Variants in THSD4 observed in about 807,000 individuals in gnomAD.
The protein encoded by THSD4 is thrombospondin type 1 domain containing 4, also known as thrombospondin type-1 domain-containing protein 4.
Under a neutral mutation model 119.0 loss-of-function variants are expected in THSD4, and 69 were observed. The ratio of observed to expected loss-of-function variants is 0.58; its 90% CI spans 0.48 to 0.71. The LOEUF is 0.71. THSD4 is among the 30% of genes least tolerant of loss of function. The probability of loss-of-function intolerance (pLI) is 0.00; values close to 1 mark genes in which losing one functional copy is unlikely to be tolerated. For synonymous variants in THSD4, 524 were observed against 540.4 expected (o/e 0.97, Z 0.42); for missense variants, 1,393 against 1,391.1 (o/e 1.00, Z -0.02).
At chr15:71,386,978 T>C (rs1034467333) in intron 6 of THSD4, among the ~76,000 whole-genome samples, 1 of 152,232 alleles carries the variant, frequency 6.6e-6, no homozygotes, top group Non-Finnish European at 1.5e-5. Flanking sequence ...CACTGCTTGC[T>C]ACTTTAGGAG....
At chr15:71,745,621 C>T (rs1390286766) in intron 12 of THSD4, among the ~76,000 whole-genome samples, 2 of 152,090 alleles carry the variant, frequency 1.3e-5, no homozygotes, top group Admixed American at 6.5e-5. Flanking sequence ...AAAAGTGTCT[C>T]GGGAGAGGTC....
intron 6 of THSD4, among the ~76,000 whole-genome samples, chr15:71,283,708 A>G (rs1430555834): frequency 6.6e-6 from 1 of 152,254 alleles, no homozygotes; most frequent in African/African-American, 2.4e-5. Context: ...TCCAACAGCT[A>G]GTAAGCGGCT....
In THSD4 at chr15:71,363,288, T is replaced by TA. The variant is rs890910190; in HGVS notation, c.1016-48392dup. The stretch of plus-strand genomic sequence containing the variant: ...ATATGGCTGCATTGCAATAAAAATT[T>TA]AAAAAAACAAAGTAGTAAACCAGAT... On this transcript the variant is annotated intron_variant, in intron 6 of 17. Coordinates refer to ENST00000261862, the MANE Select transcript of THSD4 (RefSeq NM_024817.3). 2.4e-4 allele frequency among the ~76,000 whole-genome samples: 36 copies of TA among 152,228 alleles called. 2 individuals carry two copies. Among genetic ancestry groups the TA allele is most frequent in the African/African-American group, 8.4e-4 (35 of 41,474 alleles).
At chr15:71,656,155 A>G (rs1382847720) in intron 7 of THSD4, among the ~76,000 whole-genome samples, 1 of 152,228 alleles carries the variant, frequency 6.6e-6, no homozygotes, top group African/African-American at 2.4e-5. Flanking sequence ...ACATGTGATA[A>G]TAGTTCATGA....
intron 7 of THSD4, among the ~76,000 whole-genome samples, chr15:71,519,816 G>T (rs147846085): frequency 2.0e-5 from 3 of 152,188 alleles, no homozygotes; most frequent in Non-Finnish European, 4.4e-5. Context: ...AACAGCAAAG[G>T]GGGAGAGTGG....
chr15:71,282,960 G>A (rs2044671132), intron 6 of THSD4, among the ~76,000 whole-genome samples: 1 of 151,158 alleles, frequency 6.6e-6, no homozygotes, highest in Middle Eastern at 3.5e-3. Context: ...GAGGTGGGCA[G>A]GTTAGATTTT....
intron 3 of THSD4, among the ~76,000 whole-genome samples, chr15:71,199,501 T>G (rs1368139471): frequency 3.1e-5 from 4 of 128,702 alleles, no homozygotes; most frequent in South Asian, 2.6e-4. Context: ...GTGTGTGGTG[T>G]GTGTGTGTGT....
At chr15:71,585,764 C>T (rs191461598) in intron 7 of THSD4, among the ~76,000 whole-genome samples, 19 of 152,048 alleles carry the variant, frequency 1.2e-4, no homozygotes, top group African/African-American at 4.3e-4. Flanking sequence ...GCTTTCTTTA[C>T]ACTTGTTTAT....
At chr15:71,646,088 T>TAGATA (rs1176443080) in intron 7 of THSD4, among the ~76,000 whole-genome samples, 7 of 152,222 alleles carry the variant, frequency 4.6e-5, no homozygotes. Flanking sequence ...TTGAACTAGA[T>TAGATA]AGATACGAGC....
intron 8 of THSD4, among the ~76,000 whole-genome samples, chr15:71,697,353 TG>T (rs1267262124): frequency 6.6e-6 from 1 of 152,114 alleles, no homozygotes; most frequent in African/African-American, 2.4e-5. Context: ...AGGAGCCGGC[TG>T]GGGGTGGGAC....
chr15:71,731,104 G>T lies in THSD4; in HGVS notation c.1534-17G>T, dbSNP rs368217680. The T allele has an allele frequency of 6.2e-7, 1 of 1,613,898 alleles. No homozygotes were observed. The highest frequency in any genetic ancestry group is 8.5e-7 in the Non-Finnish European group (1 of 1,179,840). ...CATACGTGCCAAGTGCGGTAACACT[G>T]ATTTTTGTGTCAGCAGATGATACAC... is the stretch of plus-strand genomic sequence containing the variant. On this transcript the variant is annotated splice_polypyrimidine_tract_variant and intron_variant, in intron 9 of 17. Coordinates refer to ENST00000261862, the MANE Select transcript of THSD4 (RefSeq NM_024817.3).
upstream of THSD4, chr15:71,110,917 G>C: frequency 1.8e-6 from 1 of 552,092 alleles, no homozygotes; most frequent in Non-Finnish European, 3.2e-6. Flanking sequence ...GTATGCCGTA[G>C]ATCTCCATTG....
At chr15:71,649,895 A>G (rs940217482) in intron 7 of THSD4, among the ~76,000 whole-genome samples, 2 of 152,218 alleles carry the variant, frequency 1.3e-5, no homozygotes, top group African/African-American at 2.4e-5. Flanking sequence ...TTGCTCTTCA[A>G]CCATTTCCTG....
At chr15:71,313,394 T>A (rs1334856498) in intron 6 of THSD4, among the ~76,000 whole-genome samples, 1 of 152,234 alleles carries the variant, frequency 6.6e-6, no homozygotes, top group Non-Finnish European at 1.5e-5. Context: ...GCCCCAGTTA[T>A]CAAATCAGCC....
At chr15:71,306,098 G>T (rs2045020974) in intron 6 of THSD4, among the ~76,000 whole-genome samples, 1 of 152,060 alleles carries the variant, frequency 6.6e-6, no homozygotes, top group Non-Finnish European at 1.5e-5. Context: ...ACGAGGTCAG[G>T]AGTTCAAGAC....
In THSD4 at chr15:71,457,375, G is replaced by A. The variant is rs529431399; in HGVS notation, c.1152+45552G>A. ...AGCCTGGGTGGCAGAGTGAGATCTC[G>A]CCTCAAAAAAAAAAAAAAAAAAAAA... On this transcript the variant is annotated intron_variant, in intron 7 of 17. Transcript: ENST00000261862. Among the ~76,000 whole-genome samples, 13 of 65,658 alleles carry A rather than the reference G, an allele frequency of 2.0e-4. 1 individual carries two copies. The Admixed American group carries it at 2.5e-3, about 13-fold the overall frequency. The allele number at this position is 65,658 out of a possible 152,430, so 43.1% of individuals were successfully genotyped here. A position where few individuals can be genotyped will look rare whatever the true frequency, so the allele number is the denominator to read the frequency against.
intron 5 of THSD4, among the ~76,000 whole-genome samples, chr15:71,249,009 A>G (rs1294300292): frequency 6.6e-6 from 1 of 152,112 alleles, no homozygotes; most frequent in Non-Finnish European, 1.5e-5. Context: ...TCTAGGAAAT[A>G]TGTGCGAGTA....
chr15:71,579,016 T>C (rs2140911598), intron 7 of THSD4, among the ~76,000 whole-genome samples: 1 of 152,070 alleles, frequency 6.6e-6, no homozygotes, highest in Admixed American at 6.5e-5. Flanking sequence ...GCTAATTTTT[T>C]GTATTTTTAG....
chr15:71,226,242 C>T (rs2140260174), intron 4 of THSD4, among the ~76,000 whole-genome samples: 1 of 152,254 alleles, frequency 6.6e-6, no homozygotes, highest in African/African-American at 2.4e-5. Context: ...ACATAAGACA[C>T]CATTCAAAAA....
Sources: allele counts gnomAD v4.1 joint callset (sites outside exome capture counted in the v4.1 genomes callset), GRCh38; gene constraint gnomAD v4.1.1; transcripts MANE v1.5; gene names NCBI Gene and HGNC (gene_info 2026-07-23, HGNC 2026-07-21).